Variants in PRKN observed in about 807,000 individuals in gnomAD.
PRKN encodes the protein E3 ubiquitin-protein ligase parkin.
Under a neutral mutation model 59.5 loss-of-function variants are expected in PRKN, and 56 were observed. The ratio of observed to expected loss-of-function variants is 0.94; its 90% CI spans 0.76 to 1.18. The LOEUF (loss-of-function observed/expected upper bound fraction) is 1.18. PRKN is among the 50% of genes most tolerant of loss of function. PRKN has a pLI of 0.00. For synonymous variants in PRKN, 250 were observed against 222.1 expected, an observed-to-expected ratio of 1.13 and a Z score of -1.12; for missense variants, 657 against 596.4, an observed-to-expected ratio of 1.10 and a Z score of -1.06.
rs138458975 is a variant in PRKN at position 161,782,924 on chromosome 6, A to T, written c.871+2848T>A. On this transcript the variant is annotated intron_variant, in intron 7 of 11. Transcript: ENST00000366898. ...AATAAATTAATTAATTAAAAAATTT[A>T]AAAAAAAGCAATGAGAAATACATAT... Among the ~76,000 whole-genome samples the T allele has an allele frequency of 4.8e-4, 73 of 152,074 alleles. No individual in the cohort carries two copies. In the Middle Eastern group the frequency reaches 0.014, roughly 28 times the overall value.
intron 8 of PRKN, among the ~76,000 whole-genome samples, chr6:161,567,035 T>TGTG (rs1450596371): frequency 2.5e-3 from 270 of 108,054 alleles, no homozygotes; most frequent in African/African-American, 7.6e-3. Context: ...TTTTTTTTTT[T>TGTG]TTTGTGTGTG....
At chr6:162,725,708 A>T (rs1260810088) in intron 1 of PRKN, among the ~76,000 whole-genome samples, 1 of 150,826 alleles carries the variant, frequency 6.6e-6, no homozygotes, top group Non-Finnish European at 1.5e-5. Flanking sequence ...GGCTGCAGTG[A>T]GCTGTGATGG....
intron 2 of PRKN, among the ~76,000 whole-genome samples, chr6:162,369,080 T>C (rs1785610228): frequency 6.6e-6 from 1 of 152,194 alleles, no homozygotes; most frequent in Non-Finnish European, 1.5e-5. Context: ...AAGCATAAGC[T>C]TGTTGGTTGC....
At chr6:162,634,812 CG>C (rs1777648313) in intron 1 of PRKN, among the ~76,000 whole-genome samples, 1 of 152,064 alleles carries the variant, frequency 6.6e-6, no homozygotes, top group Non-Finnish European at 1.5e-5. Flanking sequence ...TTAGTAGAGA[CG>C]GGGTTTCACC....
At chr6:162,389,017 A>AAAG in intron 2 of PRKN, among the ~76,000 whole-genome samples, 1 of 151,204 alleles carries the variant, frequency 6.6e-6, no homozygotes, top group Admixed American at 6.6e-5. Flanking sequence ...GAAAAAAAAA[A>AAAG]AAAAAAACAA....
chr6:161,554,633 A>C lies in PRKN; in HGVS notation c.934-5630T>G, dbSNP rs1021444629. On this transcript the variant is annotated intron_variant, in intron 8 of 11. Coordinates refer to ENST00000366898, the MANE Select transcript of PRKN (RefSeq NM_004562.3). This position sits in a 1 kb window ranked among gnomAD's most constrained non-coding sequence, Gnocchi z 4.5. Reference sequence around the variant, plus strand: ...GCTGCATAAAAAATCTTTATATTATACATAAAAAGAATATATGGAATTATA... The same window carrying C: ...GCTGCATAAAAAATCTTTATATTATCCATAAAAAGAATATATGGAATTATA... Among the ~76,000 whole-genome samples the C allele has an allele frequency of 2.5e-4, 38 of 151,894 alleles. No homozygotes were observed. Among genetic ancestry groups the C allele is most frequent in the African/African-American group, 8.9e-4 (37 of 41,376 alleles).
intron 1 of PRKN, among the ~76,000 whole-genome samples, chr6:162,480,893 C>G (rs368159459): frequency 1.3e-4 from 20 of 152,216 alleles, no homozygotes; most frequent in Admixed American, 4.6e-4. Context: ...GCACCCTCCG[C>G]CTCCTGGGTT....
intron 6 of PRKN, among the ~76,000 whole-genome samples, chr6:161,952,095 A>C (rs929657356): frequency 1.3e-5 from 2 of 152,192 alleles, no homozygotes; most frequent in Non-Finnish European, 2.9e-5. Flanking sequence ...TGCCATATTG[A>C]AAATGGCGTT....
intron 6 of PRKN, among the ~76,000 whole-genome samples, chr6:161,849,431 AT>A (rs1317944455): frequency 6.6e-6 from 1 of 151,950 alleles, no homozygotes; most frequent in Non-Finnish European, 1.5e-5. Context: ...TATTTATTCC[AT>A]TTTTTGTACT....
chr6:161,947,784 A>G (rs1779836622), intron 6 of PRKN, among the ~76,000 whole-genome samples: 1 of 152,218 alleles, frequency 6.6e-6, no homozygotes, highest in African/African-American at 2.4e-5. Context: ...TTTAAAATAT[A>G]CTTTAACAAA....
chr6:161,562,654 A>G lies in PRKN; in HGVS notation c.933+6701T>C, dbSNP rs1181423616. ...AAATGTGTTCAGAATTGAAGCTCAG[A>G]TCCCATGCCTCTGATCTCACCTGCC... On this transcript the variant is annotated intron_variant, in intron 8 of 11. Transcript: ENST00000366898. This position sits in a 1 kb window ranked among gnomAD's most constrained non-coding sequence, Gnocchi z 4.3. Among the ~76,000 whole-genome samples, 1 of 152,184 alleles carries G rather than the reference A, an allele frequency of 6.6e-6. No homozygotes were observed.
chr6:162,510,502 G>A (rs1562343529), intron 1 of PRKN, among the ~76,000 whole-genome samples: 2 of 152,192 alleles, frequency 1.3e-5, no homozygotes. Flanking sequence ...CGAGGAAGCA[G>A]GGACTGCTCT....
At position 161,499,220 on chromosome 6, in the gene PRKN, C is replaced by G. The variant is rs1024835928; in HGVS notation, c.1083+49634G>C. Among the ~76,000 whole-genome samples the G allele has an allele frequency of 6.6e-6, 1 of 151,814 alleles. No homozygotes were observed. Among genetic ancestry groups the G allele is most frequent in the Non-Finnish European group, 1.5e-5 (1 of 68,004 alleles). ...GGGAGATCAACGTAAAAGATGCATC[C>G]TAAACTTCCCTTGCTAAAGTGAAGA... On this transcript the variant is annotated intron_variant, in intron 9 of 11. Coordinates refer to ENST00000366898, the MANE Select transcript of PRKN (RefSeq NM_004562.3). This position sits in a 1 kb window ranked among gnomAD's most constrained non-coding sequence, Gnocchi z 4.2.
intron 2 of PRKN, among the ~76,000 whole-genome samples, chr6:162,304,351 C>A (rs1185658920): frequency 6.6e-6 from 1 of 150,722 alleles, no homozygotes; most frequent in East Asian, 1.9e-4. Flanking sequence ...TGTTAATGAC[C>A]ACTGCTGGCC....
In PRKN at chr6:161,502,221, G is replaced by A. The variant is rs1777989538; in HGVS notation, c.1083+46633C>T. ...TATCATTAGTCAATTGATTAAGTTTGCACTCTTTGGGAGAGGCACTACTCC... is the reference window on the plus strand; with the variant it reads ...TATCATTAGTCAATTGATTAAGTTTACACTCTTTGGGAGAGGCACTACTCC... On this transcript the variant is annotated intron_variant, in intron 9 of 11. Coordinates refer to ENST00000366898, the MANE Select transcript of PRKN (RefSeq NM_004562.3). This position sits in a 1 kb window ranked among gnomAD's most constrained non-coding sequence, Gnocchi z 4.0. Among the ~76,000 whole-genome samples the A allele has an allele frequency of 6.6e-6, 1 of 152,120 alleles. No individual in the cohort carries two copies. The highest frequency in any genetic ancestry group is 2.1e-4 in the South Asian group (1 of 4,826).
chr6:161,465,597 G>A (rs1433877471), intron 9 of PRKN, among the ~76,000 whole-genome samples: 1 of 151,334 alleles, frequency 6.6e-6, no homozygotes, highest in Non-Finnish European at 1.5e-5. Context: ...TCTTATCACC[G>A]TGCTCTCCAT....
intron 2 of PRKN, among the ~76,000 whole-genome samples, chr6:162,298,283 C>G (rs1486641086): frequency 6.6e-6 from 1 of 152,024 alleles, no homozygotes; most frequent in African/African-American, 2.4e-5. Flanking sequence ...TAGGATTTAC[C>G]ATCCACCAGA....
intron 7 of PRKN, among the ~76,000 whole-genome samples, chr6:161,748,672 T>TA (rs1788541022): frequency 6.6e-6 from 1 of 152,136 alleles, no homozygotes; most frequent in Non-Finnish European, 1.5e-5. Context: ...AAGAGTCAGT[T>TA]ATTTTCTGCA....
intron 6 of PRKN, among the ~76,000 whole-genome samples, chr6:161,912,111 G>A (rs530474797): frequency 6.1e-4 from 93 of 151,524 alleles, no homozygotes; most frequent in African/African-American, 2.2e-3. Flanking sequence ...CCAGGAGGCA[G>A]CAGTTGCAGT....
Sources: gnomAD v4.1 joint callset for allele counts (sites outside exome capture counted in the v4.1 genomes callset) on GRCh38, gnomAD v4.1.1 for gene constraint, Gnocchi (gnomAD v3.1) non-coding constraint, MANE v1.5 for transcripts, NCBI Gene and HGNC (gene_info 2026-07-23, HGNC 2026-07-21) for gene names.